The following EPG5 variants were observed in gnomAD, a reference collection of about 807,000 sequenced individuals.
The protein encoded by EPG5 is ectopic P granules protein 5 homolog.
A neutral mutation model predicts 302.7 loss-of-function variants in EPG5; 159 were observed. That is an observed-to-expected ratio of 0.53 (90% CI 0.46 to 0.60). The LOEUF is 0.60. Ranked by LOEUF, EPG5 falls within the 20% of genes least tolerant of loss-of-function variation. The pLI, the probability that EPG5 is intolerant of heterozygous loss-of-function variation, is 0.00. For missense variants in EPG5, 2,896 were observed against 3,092.4 expected, an observed-to-expected ratio of 0.94 and a Z score of 1.51; for synonymous variants, 1,158 against 1,136.8, an observed-to-expected ratio of 1.02 and a Z score of -0.37.
At position 45,931,466 on chromosome 18, in the gene EPG5, T is replaced by C. The variant is rs1250610229; in HGVS notation, c.2258-636A>G. 3.3e-5 allele frequency among the ~76,000 whole-genome samples: 5 copies of C among 152,234 alleles called. No homozygotes were observed. The South Asian group carries it at 8.3e-4, about 25-fold the overall frequency. On this transcript the variant is annotated intron_variant, in intron 11 of 43. Transcript: ENST00000282041. Reference sequence around the variant, plus strand: ...ACTAAATTCTGCCATTAGGAAGCAATATTCACAAATATACATGACAGTAAA... The same window carrying C: ...ACTAAATTCTGCCATTAGGAAGCAACATTCACAAATATACATGACAGTAAA...
the EPG5 span, among the ~76,000 whole-genome samples, chr18:45,811,761 G>T: frequency 6.6e-6 from 1 of 152,096 alleles, no homozygotes; most frequent in Non-Finnish European, 1.5e-5. Context: ...TTGATGTGAT[G>T]TATCTCAAAA....
chr18:45,943,837 C>A (rs965887450), intron 8 of EPG5, among the ~76,000 whole-genome samples, 168 bp downstream of exon 8: 3 of 151,876 alleles, frequency 2.0e-5, no homozygotes, highest in African/African-American at 7.3e-5. Flanking sequence ...AGGAGAATGG[C>A]GTGAACCTGG....
chr18:45,825,775 C>T, the EPG5 span: 30 of 1,614,198 alleles, frequency 1.9e-5, no homozygotes, highest in Non-Finnish European at 2.5e-5. Context: ...TGGGTTCTCC[C>T]GACAGGTGAG....
chr18:45,858,196 G>C lies in EPG5; in HGVS notation c.7227-128C>G, dbSNP rs34455748. On this transcript the variant is annotated intron_variant, in intron 41 of 43. Coordinates refer to ENST00000282041, the MANE Select transcript of EPG5 (RefSeq NM_020964.3). ...ACTTCAAAAGCACAGGCTAACGGCT[G>C]ATGTTAATAGAGCCATGGGATTGTA... 34,847 of 670,862 alleles carry C rather than the reference G, an allele frequency of 0.052. 1,075 individuals are homozygous for C. The highest frequency in any genetic ancestry group is 0.067 in the Non-Finnish European group (26,369 of 393,256). 41.6% of individuals were successfully genotyped at this position (670,862 alleles called of 1,614,324 possible).
At chr18:45,814,121 A>G in the EPG5 span, among the ~76,000 whole-genome samples, 1 of 152,184 alleles carries the variant, frequency 6.6e-6, no homozygotes, top group Non-Finnish European at 1.5e-5. Flanking sequence ...ACATCACCTT[A>G]ACCAAATAAT....
chr18:45,943,270 T>G lies in EPG5; in HGVS notation c.1834A>C (p.Lys612Gln). ...PETTRPQEMM[K>Q]IFAFANSLVE... is the part of the protein sequence containing the mutation. ...AGTGAGTTGGCAAAGGCAAAAATTT[T>G]CATCATCTCTTGAGGTCTTGTTGTT... is the stretch of plus-strand genomic sequence containing the variant. Residue 612 changes from lysine to glutamine, a missense_variant, in exon 9 of 44, where the codon AAA becomes CAA. Physicochemically the swap from Lys to Gln is moderately conservative, Grantham distance 53. Around this residue, in one of 5 missense-constraint regions of EPG5, gnomAD observed 1,390 missense variants for 1,430.0 expected, o/e 0.97. Coordinates refer to ENST00000282041, the MANE Select transcript of EPG5 (RefSeq NM_020964.3). The G allele has an allele frequency of 6.2e-7, 1 of 1,614,152 alleles. No homozygotes were observed. Among genetic ancestry groups the G allele is most frequent in the Non-Finnish European group, 8.5e-7 (1 of 1,180,010 alleles).
intron 2 of EPG5, 78 bp downstream of exon 2, chr18:45,954,316 G>A (rs2050975281): frequency 7.5e-7 from 1 of 1,337,760 alleles, no homozygotes; most frequent in South Asian, 1.4e-5. Flanking sequence ...GTGGGTGTAA[G>A]GCACAGACTC....
At position 45,848,562 on chromosome 18, in the gene EPG5, G is replaced by T. The variant is rs1166346890; in HGVS notation, c.*3905C>A. The T allele has an allele frequency of 6.6e-6, 1 of 152,272 alleles. No individual in the cohort carries two copies. Among genetic ancestry groups the T allele is most frequent in the Admixed American group, 6.5e-5 (1 of 15,288 alleles). 9.4% of individuals were successfully genotyped at this position (152,272 alleles called of 1,614,324 possible). A position where few individuals can be genotyped will look rare whatever the true frequency, so the allele number is the denominator to read the frequency against. On this transcript the variant is annotated 3_prime_UTR_variant, in exon 44 of 44. Coordinates refer to ENST00000282041, the MANE Select transcript of EPG5 (RefSeq NM_020964.3). The stretch of plus-strand genomic sequence containing the variant: ...GACTCTAACCCCAGGGCTGGGGCCA[G>T]AATGAGGTAAAGGAGGCACCACGGG...
chr18:45,857,714 CT>C (rs374668557), intron 42 of EPG5, 138 bp downstream of exon 42: 12,629 of 393,614 alleles, frequency 0.032, no homozygotes, highest in East Asian at 0.045. Flanking sequence ...TTTTTTTTTT[CT>C]TTTTTTTTTT....
At position 45,967,054 on chromosome 18, in the gene EPG5, G is replaced by A. The variant is rs2051280335; in HGVS notation, c.63+123C>T. 5.6e-6 allele frequency: 5 copies of A among 893,428 alleles called. No homozygotes were observed. The Admixed American group carries it at 8.8e-5, about 16-fold the overall frequency. 55.3% of individuals were successfully genotyped at this position (893,428 alleles called of 1,614,324 possible). On this transcript the variant is annotated intron_variant, in intron 1 of 43. Coordinates refer to ENST00000282041, the MANE Select transcript of EPG5 (RefSeq NM_020964.3). ...CGGGTGGTGGGATCAAATATTGGAA[G>A]GTGGAGGCGGAAGATGCAGAGGGCT...
intron 29 of EPG5, among the ~76,000 whole-genome samples, chr18:45,885,828 G>A (rs2145454526): frequency 6.6e-6 from 1 of 152,162 alleles, no homozygotes; most frequent in East Asian, 1.9e-4. Context: ...AGTGTGAGGA[G>A]CTCTTTCAAA....
intron 2 of EPG5, 150 bp from the exon 3 acceptor site, chr18:45,952,793 T>G: frequency 1.2e-6 from 1 of 807,990 alleles, no homozygotes; most frequent in Non-Finnish European, 1.9e-6. Context: ...TAGAGAACAT[T>G]ACCAGCAAAT....
intron 39 of EPG5, among the ~76,000 whole-genome samples, chr18:45,860,901 C>T (rs1568097618): frequency 6.6e-6 from 1 of 151,968 alleles, no homozygotes; most frequent in Non-Finnish European, 1.5e-5. Context: ...GAAAGTAAAC[C>T]AACTGGTAAT....
the EPG5 span, among the ~76,000 whole-genome samples, chr18:45,815,174 G>A: frequency 6.6e-6 from 1 of 152,120 alleles, no homozygotes; most frequent in African/African-American, 2.4e-5. Context: ...TAAAAATGGA[G>A]ACAACATGCA....
At chr18:45,951,519 C>T (rs1218580806) in intron 3 of EPG5, among the ~76,000 whole-genome samples, 1 of 151,034 alleles carries the variant, frequency 6.6e-6, no homozygotes, top group East Asian at 1.9e-4. Flanking sequence ...AATGCAGTGG[C>T]GCAATCTTGA....
intron 42 of EPG5, among the ~76,000 whole-genome samples, chr18:45,856,015 G>C (rs1057395929): frequency 1.3e-5 from 2 of 152,202 alleles, no homozygotes; most frequent in African/African-American, 4.8e-5. Flanking sequence ...GTGAAGCATA[G>C]AGTTACCATA....
the EPG5 span, among the ~76,000 whole-genome samples, chr18:45,812,038 C>T: frequency 3.3e-5 from 5 of 152,204 alleles, no homozygotes; most frequent in African/African-American, 4.8e-5. Context: ...AGCCCAAAAT[C>T]TCCTTAAGCT....
Position 45,857,489 on chromosome 18 carries a change from C to T in EPG5, c.7442+364G>A, listed in dbSNP as rs370811437. On this transcript the variant is annotated intron_variant, in intron 42 of 43. Transcript: ENST00000282041. Reference sequence around the variant, plus strand: ...CTCACAGGTTCTGGATTTCCCTGAACGCCTCAAGTGCCCAGCTGACTTGGC... The same window carrying T: ...CTCACAGGTTCTGGATTTCCCTGAATGCCTCAAGTGCCCAGCTGACTTGGC... 9.9e-5 allele frequency among the ~76,000 whole-genome samples: 15 copies of T among 152,244 alleles called. No homozygotes were observed. In the East Asian group the frequency reaches 2.5e-3, roughly 25 times the overall value.
chr18:45,866,713 C>G (rs565780964), intron 38 of EPG5, 85 bp downstream of exon 38: 171 of 1,051,568 alleles, frequency 1.6e-4, no homozygotes, highest in Non-Finnish European at 2.3e-4. Flanking sequence ...TGAGCACTTC[C>G]TAGCTTCGAC....
Sources: gnomAD v4.1 joint callset for allele counts (sites outside exome capture counted in the v4.1 genomes callset) on GRCh38, gnomAD v4.1.1 for gene constraint, gnomAD v4.1.1 regional missense constraint, MANE v1.5 for transcripts, NCBI Gene and HGNC (gene_info 2026-07-23, HGNC 2026-07-21) for gene names.